Variants in VAV2 observed in about 807,000 individuals in gnomAD.
VAV2 encodes the protein guanine nucleotide exchange factor VAV2.
Under a neutral mutation model 132.5 loss-of-function variants are expected in VAV2, and 67 were observed. That is an observed-to-expected ratio of 0.51 (90% confidence interval 0.42 to 0.62). The LOEUF (loss-of-function observed/expected upper bound fraction) is 0.62. Ranked by LOEUF, VAV2 falls within the 20% of genes least tolerant of loss-of-function variation. The pLI, the probability that VAV2 is intolerant of heterozygous loss-of-function variation, is 0.00. For synonymous variants in VAV2, 492 were observed against 443.5 expected, an observed-to-expected ratio of 1.11 and a Z score of -1.37; for missense variants, 938 against 1,153.6, an observed-to-expected ratio of 0.81 and a Z score of 2.71.
At chr9:133,893,912 G>A (rs75453571) in intron 2 of VAV2, among the ~76,000 whole-genome samples, 11,222 of 152,182 alleles carry the variant, frequency 0.074, 593 homozygotes, top group African/African-American at 0.14. Flanking sequence ...TGGACCTCAC[G>A]GATCCTCACA....
At chr9:133,964,046 T>TATATATATATATATATAC (rs1329697826) in intron 1 of VAV2, among the ~76,000 whole-genome samples, 3 of 87,880 alleles carry the variant, frequency 3.4e-5, no homozygotes, top group African/African-American at 1.1e-4. Flanking sequence ...TATATATATA[T>TATATATATATATATATAC]ATACATATAT....
At position 133,882,654 on chromosome 9, in the gene VAV2, A is replaced by C. The variant is rs367969964; in HGVS notation, c.322-21222T>G. 3.3e-4 allele frequency among the ~76,000 whole-genome samples: 51 copies of C among 152,250 alleles called. No individual in the cohort carries two copies. The East Asian group carries it at 7.3e-3, about 22-fold the overall frequency. On this transcript the variant is annotated intron_variant, in intron 2 of 29. Transcript: ENST00000371850. ...TGAGTTTGGAATTCTGGCCTCCAGG[A>C]GAGGGCAGAATAAATCCCCCTTGTT... is the stretch of plus-strand genomic sequence containing the variant.
At chr9:133,764,215 GGGC>G in intron 29 of VAV2, 106 bp from the exon 30 acceptor site, 1 of 1,435,216 alleles carries the variant, frequency 7.0e-7, no homozygotes, top group East Asian at 2.4e-5. Context: ...TGAAGATGGG[GGGC>G]CCTTCGGAAG....
Position 133,769,266 on chromosome 9 carries a change from C to T in VAV2, c.2434+151G>A. The T allele has an allele frequency of 1.2e-6, 1 of 868,594 alleles. No individual in the cohort carries two copies. The highest frequency in any genetic ancestry group is 1.8e-5 in the South Asian group (1 of 55,032). 53.8% of individuals were successfully genotyped at this position (868,594 alleles called of 1,614,324 possible). On this transcript the variant is annotated intron_variant, in intron 28 of 29. Transcript: ENST00000371850. The surrounding 1 kb of genome is among the most constrained non-coding windows in gnomAD (Gnocchi z 8.1). ...CGCAGCAGCCTCTGCCCGGCCTCCC[C>T]AGCCCCTTTCTCCCCTCCACCCAGT...
rs542632107 is a variant in VAV2 at position 133,935,615 on chromosome 9, C to T, written c.321+3488G>A. On this transcript the variant is annotated intron_variant, in intron 2 of 29. Transcript: ENST00000371850. This position sits in a 1 kb window ranked among gnomAD's most constrained non-coding sequence, Gnocchi z 5.2. The stretch of plus-strand genomic sequence containing the variant: ...TTTTGTTTTTCCAGAACACCTGTCC[C>T]GGAGAAGCCAGGAGGCGCTGGCAGA... 2.6e-5 allele frequency among the ~76,000 whole-genome samples: 4 copies of T among 152,334 alleles called. No individual in the cohort carries two copies. Among genetic ancestry groups the T allele is most frequent in the Admixed American group, 1.3e-4 (2 of 15,304 alleles).
At chr9:133,938,604 T>C (rs1841013890) in intron 2 of VAV2, among the ~76,000 whole-genome samples, 1 of 151,980 alleles carries the variant, frequency 6.6e-6, no homozygotes, top group Admixed American at 6.5e-5. Flanking sequence ...GCCCAATACC[T>C]TCCCAGAGTC....
chr9:133,783,585 G>A lies in VAV2; in HGVS notation c.1641C>T (p.Thr547=). ...CKACKMFLRG[T]FYQGYMCTKC... ...TGGTACACATGTATCCCTGGTAGAAGGTGCCCCTGCACAGGGGAGGGCAGG... is the reference window on the plus strand; with the variant it reads ...TGGTACACATGTATCCCTGGTAGAAAGTGCCCCTGCACAGGGGAGGGCAGG... Residue 547 remains threonine, a synonymous_variant, in exon 19 of 30, where the codon ACC becomes ACT. Coordinates refer to ENST00000371850, the MANE Select transcript of VAV2 (RefSeq NM_001134398.2). The A allele has an allele frequency of 6.2e-7, 1 of 1,613,988 alleles. No individual in the cohort carries two copies. Among genetic ancestry groups the A allele is most frequent in the Non-Finnish European group, 8.5e-7 (1 of 1,179,958 alleles).
chr9:133,983,980 T>G (rs926984605), intron 1 of VAV2, among the ~76,000 whole-genome samples: 1 of 152,130 alleles, frequency 6.6e-6, no homozygotes, highest in Non-Finnish European at 1.5e-5. Flanking sequence ...AGTTTTTTGT[T>G]TTTTCTTTTG....
At chr9:133,905,764 G>A (rs1839627683) in intron 2 of VAV2, among the ~76,000 whole-genome samples, 1 of 151,940 alleles carries the variant, frequency 6.6e-6, no homozygotes, top group South Asian at 2.1e-4. Context: ...GCTGGGCGAG[G>A]TGACTCACAC....
chr9:133,809,633 G>A (rs1237009089), intron 6 of VAV2, among the ~76,000 whole-genome samples: 1 of 152,228 alleles, frequency 6.6e-6, no homozygotes, highest in Non-Finnish European at 1.5e-5. Flanking sequence ...CTCTTCCCCT[G>A]AGTGTCCACT....
intron 2 of VAV2, among the ~76,000 whole-genome samples, chr9:133,882,448 G>C (rs1838536721): frequency 6.6e-6 from 1 of 152,180 alleles, no homozygotes; most frequent in South Asian, 2.1e-4. Flanking sequence ...TTTGGAAATA[G>C]GATCACAGCG....
At chr9:133,829,453 G>A (rs556175990) in intron 4 of VAV2, among the ~76,000 whole-genome samples, 14 of 152,348 alleles carry the variant, frequency 9.2e-5, no homozygotes, top group Non-Finnish European at 1.2e-4. Flanking sequence ...CACTGGCCAC[G>A]TGTGGCTGTC....
intron 25 of VAV2, among the ~76,000 whole-genome samples, chr9:133,774,730 A>G (rs1833752038): frequency 6.6e-6 from 1 of 152,174 alleles, no homozygotes; most frequent in Non-Finnish European, 1.5e-5. Flanking sequence ...CCATCTGTGC[A>G]TGCCAGGGGT....
At chr9:133,849,695 C>T (rs1837091428) in intron 3 of VAV2, among the ~76,000 whole-genome samples, 1 of 152,208 alleles carries the variant, frequency 6.6e-6, no homozygotes. Context: ...GGGGAGGGTC[C>T]TTCCTGCCTC....
chr9:133,825,079 G>A (rs73663856), intron 4 of VAV2, among the ~76,000 whole-genome samples: 3,396 of 152,180 alleles, frequency 0.022, 125 homozygotes, highest in African/African-American at 0.078. Flanking sequence ...AGGTGGGGCC[G>A]AGCACGCAGT....
rs149554851 is a variant in VAV2 at position 133,947,982 on chromosome 9, G to A, written c.205-8763C>T. The stretch of plus-strand genomic sequence containing the variant: ...ATTTTTGTATTTTTAGTAGAGACAG[G>A]CTTTCCCCACGTTGGCCAGGCTCGT... On this transcript the variant is annotated intron_variant, in intron 1 of 29. Coordinates refer to ENST00000371850, the MANE Select transcript of VAV2 (RefSeq NM_001134398.2). 3.5e-3 allele frequency among the ~76,000 whole-genome samples: 530 copies of A among 152,192 alleles called. 3 individuals are homozygous for A. The highest frequency in any genetic ancestry group is 0.012 in the African/African-American group (514 of 41,554).
intron 2 of VAV2, among the ~76,000 whole-genome samples, chr9:133,870,384 G>C (rs980147977): frequency 3.9e-5 from 6 of 152,106 alleles, no homozygotes; most frequent in African/African-American, 1.4e-4. Flanking sequence ...ATGAAAGGAG[G>C]GTCTGGTTGT....
At chr9:133,854,372 AAC>A (rs1475810340) in intron 3 of VAV2, among the ~76,000 whole-genome samples, 1 of 152,180 alleles carries the variant, frequency 6.6e-6, no homozygotes, top group Non-Finnish European at 1.5e-5. Flanking sequence ...CGCACCATCT[AAC>A]ACAGTTTGTT....
intron 1 of VAV2, 48 bp from the exon 2 acceptor site, chr9:133,939,267 G>A (rs1841044135): frequency 2.0e-6 from 3 of 1,535,110 alleles, no homozygotes; most frequent in Non-Finnish European, 1.8e-6. Flanking sequence ...TATTAAAACT[G>A]TAAGCTCTGT....
Sources: gnomAD v4.1 joint callset for allele counts (sites outside exome capture counted in the v4.1 genomes callset) on GRCh38, gnomAD v4.1.1 for gene constraint, Gnocchi (gnomAD v3.1) non-coding constraint, MANE v1.5 for transcripts, NCBI Gene and HGNC (gene_info 2026-07-23, HGNC 2026-07-21) for gene names.